NBDY: variants seen among roughly 807,000 people sequenced by gnomAD.
The protein encoded by NBDY is P-body dissociating protein.
intron 2 of NBDY, among the ~76,000 whole-genome samples, chrX:56,743,261 G>GT (rs1028139558): frequency 2.6e-4 from 28 of 109,043 alleles, no homozygotes; most frequent in South Asian, 3.9e-4. Flanking sequence ...ATATTGGCCT[G>GT]TTTTTTTTTA....
At chrX:56,764,883 C>A (rs2069657920) in intron 2 of NBDY, among the ~76,000 whole-genome samples, 1 of 111,005 alleles carries the variant, frequency 9.0e-6, no homozygotes, top group Non-Finnish European at 1.9e-5. Flanking sequence ...CGGTGCAGAC[C>A]CGGGCTTGAG....
At chrX:56,743,681 T>G (rs1386811867) in intron 2 of NBDY, among the ~76,000 whole-genome samples, 2 of 110,782 alleles carry the variant, frequency 1.8e-5, no homozygotes, top group African/African-American at 6.5e-5. Flanking sequence ...TTTTTCTTAG[T>G]CTGGGTAAAG....
At chrX:56,800,289 AAGGTGTCTGCCC>A (rs756998397) in intron 2 of NBDY, among the ~76,000 whole-genome samples, 45 of 112,131 alleles carry the variant, frequency 4.0e-4, no homozygotes, top group African/African-American at 1.3e-3. Flanking sequence ...TACTCACTAA[AAGGTGTCTGCCC>A]AGGCACCTGT....
intron 2 of NBDY, among the ~76,000 whole-genome samples, chrX:56,791,432 G>A (rs1314621409): frequency 9.0e-6 from 1 of 111,335 alleles, no homozygotes; most frequent in African/African-American, 3.3e-5. Flanking sequence ...TTTTTGGGGG[G>A]TCCTTCCCTG....
At chrX:56,767,552 G>T (rs918029018) in intron 2 of NBDY, among the ~76,000 whole-genome samples, 1 of 113,224 alleles carries the variant, frequency 8.8e-6, no homozygotes, top group Non-Finnish European at 1.9e-5. Flanking sequence ...GGGAGTTGCC[G>T]GTCGGCATGA....
chrX:56,783,811 G>A (rs1485638944), intron 2 of NBDY, among the ~76,000 whole-genome samples: 2 of 112,408 alleles, frequency 1.8e-5, no homozygotes, highest in East Asian at 5.6e-4. Context: ...TCCATTTGTT[G>A]CGAACAGAAT....
intron 2 of NBDY, among the ~76,000 whole-genome samples, chrX:56,759,239 C>T (rs1488761366): frequency 2.7e-5 from 3 of 112,074 alleles, no homozygotes; most frequent in Non-Finnish European, 5.6e-5. Flanking sequence ...GGGTGGCTCC[C>T]ACTTTCTCCT....
At chrX:56,742,439 A>G (rs1295656335) in intron 2 of NBDY, among the ~76,000 whole-genome samples, 1 of 111,413 alleles carries the variant, frequency 9.0e-6, no homozygotes, top group African/African-American at 3.3e-5. Flanking sequence ...CGTTTTAACA[A>G]TATTGATTCT....
intron 2 of NBDY, among the ~76,000 whole-genome samples, chrX:56,755,328 G>T (rs2069604382): frequency 8.9e-6 from 1 of 112,137 alleles, no homozygotes; most frequent in Non-Finnish European, 1.9e-5. Context: ...CACAGCAAAA[G>T]AAACTACCAT....
chrX:56,783,339 G>A (rs1423540704), intron 2 of NBDY, among the ~76,000 whole-genome samples: 1 of 113,264 alleles, frequency 8.8e-6, no homozygotes, highest in Non-Finnish European at 1.9e-5. Context: ...TGTTTCCTGG[G>A]TGGATAGGGG....
At chrX:56,766,641 G>A (rs1461953314) in intron 2 of NBDY, among the ~76,000 whole-genome samples, 1 of 112,037 alleles carries the variant, frequency 8.9e-6, no homozygotes, top group Non-Finnish European at 1.9e-5. Context: ...GAGCATTCCT[G>A]CCTCCAGGCC....
At chrX:56,761,412 C>T (rs1037552854) in intron 2 of NBDY, among the ~76,000 whole-genome samples, 1 of 113,038 alleles carries the variant, frequency 8.8e-6, no homozygotes, top group Non-Finnish European at 1.9e-5. Flanking sequence ...GGGAGCAGGG[C>T]AGCCTCCTGG....
At chrX:56,739,268 GTA>G (rs1187024719) in intron 2 of NBDY, among the ~76,000 whole-genome samples, 1 of 40,313 alleles carries the variant, frequency 2.5e-5, no homozygotes, top group African/African-American at 9.7e-5. Context: ...ATATATGTAT[GTA>G]TATATATATA....
intron 2 of NBDY, among the ~76,000 whole-genome samples, chrX:56,744,942 CAT>C (rs1015491003): frequency 2.7e-5 from 3 of 111,629 alleles, no homozygotes; most frequent in African/African-American, 9.8e-5. Flanking sequence ...AACTTCAACA[CAT>C]GATTTTTTTC....
chrX:56,786,681 C>A (rs772192949), intron 2 of NBDY, among the ~76,000 whole-genome samples: 39 of 109,903 alleles, frequency 3.5e-4, no homozygotes, highest in Non-Finnish European at 6.5e-4. Context: ...TCTGCCTCCT[C>A]CTCCTTTGCC....
intron 2 of NBDY, among the ~76,000 whole-genome samples, chrX:56,814,621 C>G (rs2069902823): frequency 9.1e-6 from 1 of 109,749 alleles, no homozygotes; most frequent in Non-Finnish European, 1.9e-5. Flanking sequence ...GGCTCCTGAG[C>G]AGCTAGGACT....
At chrX:56,788,794 T>C (rs1312545602) in intron 2 of NBDY, among the ~76,000 whole-genome samples, 1 of 112,236 alleles carries the variant, frequency 8.9e-6, no homozygotes, top group Non-Finnish European at 1.9e-5. Context: ...GCAGCTTCAC[T>C]GTGTGGACTG....
intron 2 of NBDY, among the ~76,000 whole-genome samples, chrX:56,743,744 T>C (rs2069543345): frequency 1.8e-5 from 2 of 111,276 alleles, no homozygotes; most frequent in African/African-American, 3.2e-5. Flanking sequence ...TTTCATTTAC[T>C]TATTTATTTT....
intron 2 of NBDY, among the ~76,000 whole-genome samples, chrX:56,789,231 G>A (rs770693571): frequency 7.1e-5 from 8 of 112,884 alleles, no homozygotes; most frequent in Non-Finnish European, 1.1e-4. Flanking sequence ...GGGGGAACCT[G>A]CAACAGTAGG....
Sources: allele counts gnomAD v4.1 joint callset (sites outside exome capture counted in the v4.1 genomes callset), GRCh38; gene constraint gnomAD v4.1.1; transcripts MANE v1.5; gene names NCBI Gene and HGNC (gene_info 2026-07-23, HGNC 2026-07-21).